NTSR1: variants seen among roughly 807,000 people sequenced by gnomAD.
NTSR1 encodes neurotensin receptor type 1.
In NTSR1, 29 loss-of-function variants were observed where a neutral mutation model predicts 31.2. The observed-to-expected ratio is 0.93, with a 90% CI of 0.69 to 1.27. NTSR1 has a LOEUF of 1.27. Ranked by LOEUF, NTSR1 falls within the 50% of genes most tolerant of loss-of-function variation. The pLI, the probability that NTSR1 is intolerant of heterozygous loss-of-function variation, is 0.00. For missense variants in NTSR1, 697 were observed against 595.4 expected (o/e 1.17, Z -1.78); for synonymous variants, 282 against 269.9 (o/e 1.04, Z -0.44).
rs537001947 is a variant in NTSR1, at chr20:62,732,685, T to C, written c.715-22000T>C. ...GTCTGCGTTTTCCTTTCTTGTAACA[T>C]CCTCGGTTTTGTTATTGGGGTAATG... On this transcript the variant is annotated intron_variant, in intron 1 of 3. Coordinates refer to ENST00000370501, the MANE Select transcript of NTSR1 (RefSeq NM_002531.3). The surrounding 1 kb of genome is among the most constrained non-coding windows in gnomAD (Gnocchi z 4.0). 2.2e-3 allele frequency: 333 copies of C among 152,354 alleles called. 1 individual carries two copies. Among genetic ancestry groups the C allele is most frequent in the African/African-American group, 7.7e-3 (321 of 41,562 alleles). 9.4% of individuals were successfully genotyped at this position (152,354 alleles called of 1,614,324 possible).
intron 1 of NTSR1, among the ~76,000 whole-genome samples, chr20:62,738,536 T>A (rs1308119391): frequency 6.6e-6 from 1 of 152,246 alleles, no homozygotes; most frequent in Non-Finnish European, 1.5e-5. Flanking sequence ...CCGGCGAGCC[T>A]ATGAGCCGTA....
rs937182854 is a variant in NTSR1 at position 62,733,671 on chromosome 20, A to C, written c.715-21014A>C. Among the ~76,000 whole-genome samples, 1 of 151,916 alleles carries C rather than the reference A, an allele frequency of 6.6e-6. No homozygotes were observed. Among genetic ancestry groups the C allele is most frequent in the African/African-American group, 2.4e-5 (1 of 41,318 alleles). On this transcript the variant is annotated intron_variant, in intron 1 of 3. Coordinates refer to ENST00000370501, the MANE Select transcript of NTSR1 (RefSeq NM_002531.3). The surrounding 1 kb of genome is among the most constrained non-coding windows in gnomAD (Gnocchi z 5.2). ...AAGAGAGAGGGAGAGAGAAAAGGAA[A>C]GAGAGGAGAGAGGGAAAGGCAGAGA...
chr20:62,739,552 C>T (rs113225424), intron 1 of NTSR1, among the ~76,000 whole-genome samples: 4,715 of 152,352 alleles, frequency 0.031, 160 homozygotes, highest in African/African-American at 0.087. Flanking sequence ...GGGCCGCCCC[C>T]GGCCTTCCTC....
At chr20:62,748,831 G>A (rs1207549938) in intron 1 of NTSR1, among the ~76,000 whole-genome samples, 1 of 152,060 alleles carries the variant, frequency 6.6e-6, no homozygotes, top group African/African-American at 2.4e-5. Context: ...GGGAGCTGGT[G>A]GCTTTATAAG....
rs570604998 is a variant in NTSR1 at position 62,744,132 on chromosome 20, A to C, written c.715-10553A>C. On this transcript the variant is annotated intron_variant, in intron 1 of 3. Transcript: ENST00000370501. The surrounding 1 kb of genome is among the most constrained non-coding windows in gnomAD (Gnocchi z 4.1). ...GTCCAGCCCCACCAGCCGTCGCCCC[A>C]GCGTGTCCCATCCCAGCCTCCCAAG... Among the ~76,000 whole-genome samples the C allele has an allele frequency of 3.8e-4, 58 of 152,152 alleles. No individual in the cohort carries two copies. Among genetic ancestry groups the C allele is most frequent in the Non-Finnish European group, 7.2e-4 (49 of 68,026 alleles).
intron 1 of NTSR1, among the ~76,000 whole-genome samples, chr20:62,721,494 T>C (rs1988827088): frequency 6.6e-6 from 1 of 152,244 alleles, no homozygotes; most frequent in Non-Finnish European, 1.5e-5. Context: ...GAGCTGCCGC[T>C]TTTGTCTCAC....
At chr20:62,753,458 C>T (rs78210014) in intron 1 of NTSR1, among the ~76,000 whole-genome samples, 2,168 of 152,296 alleles carry the variant, frequency 0.014, 48 homozygotes, top group African/African-American at 0.048. Flanking sequence ...GGGAATCCCA[C>T]GGCAGATACC....
At position 62,730,718 on chromosome 20, in the gene NTSR1, G is replaced by A. The variant is rs531407764; in HGVS notation, c.714+20797G>A. Among the ~76,000 whole-genome samples the A allele has an allele frequency of 2.6e-5, 4 of 152,344 alleles. No homozygotes were observed. In the South Asian group the frequency reaches 6.2e-4, roughly 24 times the overall value. ...ATTCCCAGCAGCCACGGGTGAGGGCGGTTCTGTTGCTCCGCAGCCTTGCCA... is the reference window on the plus strand; with the variant it reads ...ATTCCCAGCAGCCACGGGTGAGGGCAGTTCTGTTGCTCCGCAGCCTTGCCA... On this transcript the variant is annotated intron_variant, in intron 1 of 3. Coordinates refer to ENST00000370501, the MANE Select transcript of NTSR1 (RefSeq NM_002531.3).
At chr20:62,718,511 G>T (rs1232858765) in intron 1 of NTSR1, among the ~76,000 whole-genome samples, 1 of 151,954 alleles carries the variant, frequency 6.6e-6, no homozygotes, top group Non-Finnish European at 1.5e-5. Context: ...AAGACACACC[G>T]GCCCCCGCCC....
At chr20:62,754,063 A>G (rs559237176) in intron 1 of NTSR1, among the ~76,000 whole-genome samples, 4 of 152,296 alleles carry the variant, frequency 2.6e-5, no homozygotes, top group Admixed American at 2.6e-4. Context: ...GGTAGCTATG[A>G]TGACCCAGCC....
intron 1 of NTSR1, among the ~76,000 whole-genome samples, chr20:62,740,694 G>A (rs2147142497): frequency 6.6e-6 from 1 of 152,364 alleles, no homozygotes; most frequent in South Asian, 2.1e-4. Flanking sequence ...CCCCAGAGAG[G>A]TGGGGGCCGT....
intron 1 of NTSR1, among the ~76,000 whole-genome samples, chr20:62,712,982 C>T (rs548021836): frequency 8.6e-4 from 131 of 152,154 alleles, no homozygotes; most frequent in Non-Finnish European, 1.6e-3. Context: ...GTCCAGGGGC[C>T]CACAGTGGCA....
chr20:62,719,818 T>A (rs954933004), intron 1 of NTSR1, among the ~76,000 whole-genome samples: 1 of 152,204 alleles, frequency 6.6e-6, no homozygotes, highest in Admixed American at 6.5e-5. Flanking sequence ...TCTGTAAGTT[T>A]ATTTTCCTGG....
At chr20:62,729,328 T>TG (rs1363354301) in intron 1 of NTSR1, among the ~76,000 whole-genome samples, 1 of 152,196 alleles carries the variant, frequency 6.6e-6, no homozygotes, top group African/African-American at 2.4e-5. Flanking sequence ...TCCAGCCCAC[T>TG]GGGGAGAGAT....
chr20:62,723,840 C>T (rs988489124), intron 1 of NTSR1, among the ~76,000 whole-genome samples: 1 of 152,186 alleles, frequency 6.6e-6, no homozygotes, highest in South Asian at 2.1e-4. Flanking sequence ...GCCGAGCCAG[C>T]GAAACACTGG....
In NTSR1 at chr20:62,709,121, A is replaced by G. The variant is rs1243067133; in HGVS notation, c.-87A>G. On this transcript the variant is annotated 5_prime_UTR_variant, in exon 1 of 4. Coordinates refer to ENST00000370501, the MANE Select transcript of NTSR1 (RefSeq NM_002531.3). ...CGCGCCCTCCCCTGGGCTCCCGTTC[A>G]TCGGTCCCCGCCTGAGACGCGCCCA... The G allele has an allele frequency of 2.6e-6, 3 of 1,134,536 alleles. No individual in the cohort carries two copies. Among genetic ancestry groups the G allele is most frequent in the Admixed American group, 4.1e-5 (1 of 24,338 alleles). The allele number at this position is 1,134,536 out of a possible 1,614,324, so 70.3% of individuals were successfully genotyped here.
intron 1 of NTSR1, among the ~76,000 whole-genome samples, chr20:62,751,308 A>G (rs1989390378): frequency 6.6e-6 from 1 of 152,236 alleles, no homozygotes; most frequent in African/African-American, 2.4e-5. Context: ...TTAGGTTTTA[A>G]TCTTCTTACC....
intron 1 of NTSR1, among the ~76,000 whole-genome samples, chr20:62,726,175 G>T (rs541154786): frequency 3.3e-5 from 5 of 152,280 alleles, no homozygotes; most frequent in South Asian, 2.1e-4. Flanking sequence ...TTTCTGTGGG[G>T]CTGCCATTGT....
chr20:62,710,771 C>G (rs577068544), intron 1 of NTSR1, among the ~76,000 whole-genome samples: 1 of 152,112 alleles, frequency 6.6e-6, no homozygotes, highest in Non-Finnish European at 1.5e-5. Flanking sequence ...ACCAAAGCCC[C>G]GAGCAGGAGG....
Sources: gnomAD v4.1 joint callset for allele counts (sites outside exome capture counted in the v4.1 genomes callset) on GRCh38, gnomAD v4.1.1 for gene constraint, Gnocchi (gnomAD v3.1) non-coding constraint, MANE v1.5 for transcripts, NCBI Gene and HGNC (gene_info 2026-07-23, HGNC 2026-07-21) for gene names.